CELF2: variants seen among roughly 807,000 people sequenced by gnomAD.
CELF2 encodes the protein CUG triplet repeat RNA-binding protein 2.
In CELF2, 8 loss-of-function variants were observed where a neutral mutation model predicts 62.6. That is an observed-to-expected ratio of 0.13 (90% CI 0.07 to 0.23). The LOEUF (loss-of-function observed/expected upper bound fraction) is 0.23. CELF2 is among the 10% of genes least tolerant of loss of function. The probability of loss-of-function intolerance (pLI) is 1.00; values close to 1 mark genes in which losing one functional copy is unlikely to be tolerated. For missense variants in CELF2, 333 were observed against 671.0 expected (o/e 0.50, Z 5.56); for synonymous variants, 258 against 250.0 (o/e 1.03, Z -0.30).
At chr10:10,575,488 G>A in the CELF2 span, among the ~76,000 whole-genome samples, 5 of 152,148 alleles carry the variant, frequency 3.3e-5, no homozygotes, top group African/African-American at 4.8e-5. Context: ...TTTTTCTTTT[G>A]TTGAGTGTGT....
the CELF2 span, among the ~76,000 whole-genome samples, chr10:10,702,673 C>T: frequency 6.6e-6 from 1 of 152,212 alleles, no homozygotes; most frequent in Admixed American, 6.5e-5. Context: ...CAACTTCCGC[C>T]TCCTAGGTTC....
At chr10:11,294,651 G>A (rs1388571553) in intron 9 of CELF2, among the ~76,000 whole-genome samples, 5 of 152,220 alleles carry the variant, frequency 3.3e-5, no homozygotes, top group Non-Finnish European at 5.9e-5. Flanking sequence ...AGTGGCTCAC[G>A]CCTGTAATCC....
intron 1 of CELF2, among the ~76,000 whole-genome samples, chr10:11,047,149 C>T (rs1006933738): frequency 2.6e-5 from 4 of 152,096 alleles, no homozygotes; most frequent in East Asian, 1.9e-4. Flanking sequence ...TCTAAGTTTC[C>T]ATTTCCACTG....
chr10:10,965,930 G>A (rs2050073735), intron 2 of CELF2, among the ~76,000 whole-genome samples: 1 of 152,234 alleles, frequency 6.6e-6, no homozygotes, highest in African/African-American at 2.4e-5. Flanking sequence ...TGGAACTCAA[G>A]TGTGTTTTGC....
At chr10:10,784,739 T>G in the CELF2 span, 1 of 152,172 alleles carries the variant, frequency 6.6e-6, no homozygotes, top group Non-Finnish European at 1.5e-5. Context: ...AAAGGCAACT[T>G]TTGGGCACAA....
intron 2 of CELF2, among the ~76,000 whole-genome samples, chr10:10,952,971 G>T (rs1050548789): frequency 4.6e-5 from 7 of 152,184 alleles, no homozygotes; most frequent in Admixed American, 2.6e-4. Flanking sequence ...CTACAGAACA[G>T]ATTGGTGAGT....
At chr10:10,614,549 AT>A in the CELF2 span, among the ~76,000 whole-genome samples, 1 of 152,160 alleles carries the variant, frequency 6.6e-6, no homozygotes, top group Admixed American at 6.5e-5. Context: ...ATCGTGAGTG[AT>A]TCACATTCCC....
At chr10:10,624,804 G>A in the CELF2 span, among the ~76,000 whole-genome samples, 26 of 152,182 alleles carry the variant, frequency 1.7e-4, no homozygotes, top group Non-Finnish European at 2.9e-4. Flanking sequence ...ATTCTGCACT[G>A]CTGAAATAAC....
the CELF2 span, among the ~76,000 whole-genome samples, chr10:10,622,860 G>A: frequency 2.6e-5 from 4 of 151,758 alleles, no homozygotes; most frequent in Middle Eastern, 3.4e-3. Flanking sequence ...TTGGGAGGCC[G>A]AGGTGGGTGG....
At chr10:10,871,123 T>C (rs561769945) in intron 1 of CELF2, among the ~76,000 whole-genome samples, 1 of 152,308 alleles carries the variant, frequency 6.6e-6, no homozygotes, top group Admixed American at 6.5e-5. Context: ...CGGTTCGCAG[T>C]CAAGCTGAGC....
At position 11,098,195 on chromosome 10, in the gene CELF2, G is replaced by A. The variant is rs1203617575; in HGVS notation, c.75-67291G>A. On this transcript the variant is annotated intron_variant, in intron 1 of 12. Transcript: ENST00000633077. The surrounding 1 kb of genome is among the most constrained non-coding windows in gnomAD (Gnocchi z 4.0). ...CCATATTTTGGATTGGATGGACCAA[G>A]TGAAGGACAGTCTTAGGACGGGGAC... The A allele has an allele frequency of 6.6e-6, 1 of 152,432 alleles. No individual in the cohort carries two copies. The highest frequency in any genetic ancestry group is 2.4e-5 in the African/African-American group (1 of 41,474). The allele number at this position is 152,432 out of a possible 1,614,324, so 9.4% of individuals were successfully genotyped here. A position where few individuals can be genotyped will look rare whatever the true frequency, so the allele number is the denominator to read the frequency against.
In CELF2 at chr10:11,333,831, T is replaced by C. The variant is rs748170548; in HGVS notation, c.*4778T>C. The stretch of plus-strand genomic sequence containing the variant: ...AAAAAAAAATACGCAGGCTTTCCTA[T>C]TTCTACAACTGATTGTACTTATGCA... On this transcript the variant is annotated 3_prime_UTR_variant, in exon 13 of 13. Transcript: ENST00000633077. The C allele has an allele frequency of 3.9e-5, 6 of 152,544 alleles. No homozygotes were observed. The highest frequency in any genetic ancestry group is 5.9e-5 in the Non-Finnish European group (4 of 68,010). 9.4% of individuals were successfully genotyped at this position (152,544 alleles called of 1,614,324 possible). A position where few individuals can be genotyped will look rare whatever the true frequency, so the allele number is the denominator to read the frequency against.
chr10:10,838,517 G>A (rs1002595598), intron 1 of CELF2, among the ~76,000 whole-genome samples: 3 of 152,138 alleles, frequency 2.0e-5, no homozygotes, highest in African/African-American at 7.2e-5. Flanking sequence ...CTTCTGCATG[G>A]AAGTTATGTC....
chr10:10,747,896 G>T, the CELF2 span, among the ~76,000 whole-genome samples: 1 of 152,128 alleles, frequency 6.6e-6, no homozygotes, highest in African/African-American at 2.4e-5. Flanking sequence ...TCTCTTAGTA[G>T]AGATGGGGTT....
intron 7 of CELF2, among the ~76,000 whole-genome samples, chr10:11,271,227 G>T (rs1008670410): frequency 6.6e-6 from 1 of 152,246 alleles, no homozygotes; most frequent in Admixed American, 6.5e-5. Flanking sequence ...GCTCTTCGCA[G>T]TGGAACCAGA....
At chr10:11,273,992 C>T (rs1160064298) in intron 7 of CELF2, among the ~76,000 whole-genome samples, 1 of 146,700 alleles carries the variant, frequency 6.8e-6, no homozygotes, top group Non-Finnish European at 1.5e-5. Context: ...CCTTGGCCTC[C>T]CAAAGTCCTG....
In CELF2 at chr10:11,207,620, A is replaced by C. The variant is rs2060753718; in HGVS notation, c.272-9805A>C. 6.6e-6 allele frequency among the ~76,000 whole-genome samples: 1 copy of C among 152,222 alleles called. No homozygotes were observed. Among genetic ancestry groups the C allele is most frequent in the Non-Finnish European group, 1.5e-5 (1 of 68,036 alleles). ...GTGCGGGTCCCACGCTGCCAGTGTA[A>C]GTTTCCCAGGGGAATTCCTGGGATG... On this transcript the variant is annotated intron_variant, in intron 2 of 12. Transcript: ENST00000633077. This position sits in a 1 kb window ranked among gnomAD's most constrained non-coding sequence, Gnocchi z 4.1.
chr10:10,705,210 T>C, the CELF2 span, among the ~76,000 whole-genome samples: 1 of 152,090 alleles, frequency 6.6e-6, no homozygotes, highest in East Asian at 1.9e-4. Context: ...AGGAATTTTC[T>C]TCCCTCCTAT....
At chr10:11,055,146 T>C (rs552623907) in intron 1 of CELF2, among the ~76,000 whole-genome samples, 1 of 152,384 alleles carries the variant, frequency 6.6e-6, no homozygotes, top group East Asian at 1.9e-4. Context: ...ATTTCAGTTG[T>C]CCAGAATAAC....
Sources: allele counts gnomAD v4.1 joint callset (sites outside exome capture counted in the v4.1 genomes callset), GRCh38; gene constraint gnomAD v4.1.1; non-coding constraint Gnocchi (gnomAD v3.1); transcripts MANE v1.5; gene names NCBI Gene and HGNC (gene_info 2026-07-23, HGNC 2026-07-21).